ZZZ3: variants seen among roughly 807,000 people sequenced by gnomAD.
The protein encoded by ZZZ3 is ZZ-type zinc finger-containing protein 3.
A neutral mutation model predicts 95.2 loss-of-function variants in ZZZ3; 22 were observed. The ratio of observed to expected loss-of-function variants is 0.23; its 90% confidence interval spans 0.17 to 0.33. The LOEUF (loss-of-function observed/expected upper bound fraction) is 0.33. ZZZ3 is among the 10% of genes least tolerant of loss of function. The pLI is 1.00. For missense variants in ZZZ3, 885 were observed against 1,066.5 expected, an observed-to-expected ratio of 0.83 and a Z score of 2.37; for synonymous variants, 335 against 358.9, an observed-to-expected ratio of 0.93 and a Z score of 0.75.
At chr1:77,666,681 AAGAACTGC>A (rs1557777583) in intron 1 of ZZZ3, among the ~76,000 whole-genome samples, 1 of 152,230 alleles carries the variant, frequency 6.6e-6, no homozygotes, top group Non-Finnish European at 1.5e-5. Context: ...TCCAGGCTCT[AAGAACTGC>A]AGCAGAAAAA....
intron 12 of ZZZ3, 43 bp from the exon 13 acceptor site, chr1:77,568,509 A>G (rs745485380): frequency 9.6e-7 from 1 of 1,040,368 alleles, no homozygotes; most frequent in Non-Finnish European, 1.4e-6. Context: ...TTTGGTAATT[A>G]AAATGAATTA....
chr1:77,634,638 A>G (rs1230197056), intron 4 of ZZZ3, among the ~76,000 whole-genome samples: 1 of 152,198 alleles, frequency 6.6e-6, no homozygotes, highest in Non-Finnish European at 1.5e-5. Context: ...TGTGTATAGC[A>G]TATGCCAGTG....
At position 77,578,759 on chromosome 1, in the gene ZZZ3, TG is replaced by T. The variant is rs754032970; in HGVS notation, c.2178+14del. 2.1e-6 allele frequency: 3 copies of T among 1,433,568 alleles called. No individual in the cohort carries two copies. The highest frequency in any genetic ancestry group is 2.8e-6 in the Non-Finnish European group (3 of 1,069,536). 88.8% of individuals were successfully genotyped at this position (1,433,568 alleles called of 1,614,324 possible). On this transcript the variant is annotated intron_variant, in intron 11 of 14. Coordinates refer to ENST00000370801, the MANE Select transcript of ZZZ3 (RefSeq NM_015534.6). ...AAATTTAATCTACAGTTTACTTTCA[TG>T]TATTTTCTTTTACCTTTTTGGAGTA...
chr1:77,615,986 G>A (rs941220556), intron 5 of ZZZ3, among the ~76,000 whole-genome samples: 17 of 151,876 alleles, frequency 1.1e-4, no homozygotes, highest in African/African-American at 4.1e-4. Flanking sequence ...AATTTTAAAA[G>A]GAAATAACCA....
At chr1:77,672,194 C>T (rs1422246996) in intron 1 of ZZZ3, among the ~76,000 whole-genome samples, 1 of 152,154 alleles carries the variant, frequency 6.6e-6, no homozygotes, top group Non-Finnish European at 1.5e-5. Flanking sequence ...TATATGAGAG[C>T]TCCGAGTGCA....
intron 11 of ZZZ3, 47 bp from the exon 12 acceptor site, chr1:77,576,267 C>T (rs1233164952): frequency 5.5e-6 from 8 of 1,466,100 alleles, no homozygotes; most frequent in African/African-American, 4.3e-5. Context: ...AAAATCATTA[C>T]AAGAATCAAA....
intron 5 of ZZZ3, among the ~76,000 whole-genome samples, chr1:77,594,206 A>G (rs974958620): frequency 6.6e-6 from 1 of 152,162 alleles, no homozygotes; most frequent in Non-Finnish European, 1.5e-5. Context: ...AGTTTCTCCT[A>G]CTTTATAGTG....
Position 77,565,693 on chromosome 1 carries a change from G to C in ZZZ3, c.2659C>G (p.Gln887Glu). 1 of 1,613,920 alleles carries C rather than the reference G, an allele frequency of 6.2e-7. No homozygotes were observed. The highest frequency in any genetic ancestry group is 8.5e-7 in the Non-Finnish European group (1 of 1,179,854). Residue 887 changes from glutamine (Q) to glutamate (E), a missense_variant, in exon 15 of 15, where the codon CAG becomes GAG. This residue lies in a region of ZZZ3 where 221 missense variants were observed against 247.8 expected (regional missense o/e 0.89). Coordinates refer to ENST00000370801, the MANE Select transcript of ZZZ3 (RefSeq NM_015534.6). Reference sequence around the variant, plus strand: ...TCAAGGTAATTGTAACTGGTGCCCTGAGACACACAGTAGTCTCTGTCTAAG... The same window carrying C: ...TCAAGGTAATTGTAACTGGTGCCCTCAGACACACAGTAGTCTCTGTCTAAG... ...TFLDRDYCVS[Q>E]GTSYNYLDPN...
intron 1 of ZZZ3, among the ~76,000 whole-genome samples, chr1:77,660,852 T>C (rs1182878487): frequency 6.6e-6 from 1 of 152,220 alleles, no homozygotes; most frequent in African/African-American, 2.4e-5. Flanking sequence ...CATTCTGGAC[T>C]AATTTCTATT....
At position 77,631,971 on chromosome 1, in the gene ZZZ3, T is replaced by C. The variant is rs1279191228; in HGVS notation, c.1384A>G (p.Asn462Asp). 1 of 1,613,994 alleles carries C rather than the reference T, an allele frequency of 6.2e-7. No homozygotes were observed. The highest frequency in any genetic ancestry group is 2.2e-5 in the East Asian group (1 of 44,880). The change falls in exon 5 of 15, where the codon AAT (asparagine) becomes GAT (aspartate). Residue 462 changes from asparagine (N) to aspartate (D), a missense_variant. Physicochemically the swap from Asn to Asp is conservative, Grantham distance 23. This residue lies in a region of ZZZ3 where 556 missense variants were observed against 652.9 expected (regional missense o/e 0.85). Coordinates refer to ENST00000370801, the MANE Select transcript of ZZZ3 (RefSeq NM_015534.6). ...VSKPPSEARL[N>D]IGHLPSAKES... ...TTGGCAGATGGCAAATGTCCAATAT[T>C]GAGTCTTGCCTCTGAGGGTGGTTTA...
At chr1:77,620,812 TATAG>T (rs1666782486) in intron 5 of ZZZ3, among the ~76,000 whole-genome samples, 1 of 152,116 alleles carries the variant, frequency 6.6e-6, no homozygotes, top group African/African-American at 2.4e-5. Context: ...TTCATCAGTA[TATAG>T]ATAGTAATTT....
At chr1:77,668,832 T>G (rs867892065) in intron 1 of ZZZ3, among the ~76,000 whole-genome samples, 30 of 152,184 alleles carry the variant, frequency 2.0e-4, no homozygotes, top group African/African-American at 7.2e-4. Context: ...TTCTTCCTTG[T>G]TGGTAAGAAT....
chr1:77,632,708 T>C lies in ZZZ3; in HGVS notation c.647A>G (p.Asp216Gly), dbSNP rs1443343038. The part of the protein sequence containing the change: ...DDSDSAVINC[D>G]DCQPDGNTKQ... ...AGTGTTCCCATCAGGCTGACAGTCA[T>C]CACAGTTTATAACAGCTGAATCACT... Residue 216 changes from aspartate (D) to glycine (G), a missense_variant, in exon 5 of 15, where the codon GAT becomes GGT. Around this residue, in one of 5 missense-constraint regions of ZZZ3, gnomAD observed 556 missense variants for 652.9 expected, o/e 0.85. Transcript: ENST00000370801. The C allele has an allele frequency of 1.9e-6, 3 of 1,614,202 alleles. No homozygotes were observed. Among genetic ancestry groups the C allele is most frequent in the African/African-American group, 1.3e-5 (1 of 75,050 alleles).
At chr1:77,575,565 T>A (rs557755582) in intron 12 of ZZZ3, among the ~76,000 whole-genome samples, 3 of 152,252 alleles carry the variant, frequency 2.0e-5, no homozygotes, top group South Asian at 2.1e-4. Context: ...ATAAAATCCA[T>A]ACTGCAAAAT....
chr1:77,659,303 A>G (rs1436285416), intron 1 of ZZZ3, among the ~76,000 whole-genome samples: 1 of 152,170 alleles, frequency 6.6e-6, no homozygotes. Flanking sequence ...AAAATGTTTA[A>G]TTTAGTTTAA....
chr1:77,577,408 C>T (rs1353411863), intron 11 of ZZZ3, among the ~76,000 whole-genome samples: 3 of 151,112 alleles, frequency 2.0e-5, no homozygotes, highest in Non-Finnish European at 3.0e-5. Flanking sequence ...CAATATTCCA[C>T]AGTTATAGGA....
In ZZZ3 at chr1:77,674,049, T is replaced by C. The variant is rs556480134; in HGVS notation, c.-403+8536A>G. The stretch of plus-strand genomic sequence containing the variant: ...AGCAGCTGAGGTACTGCATAAGCCA[T>C]CAGTGACATAAATTTTAAAATCTAC... On this transcript the variant is annotated intron_variant, in intron 1 of 14. Transcript: ENST00000370801. Among the ~76,000 whole-genome samples, 14 of 146,898 alleles carry C rather than the reference T, an allele frequency of 9.5e-5. No homozygotes were observed. The South Asian group carries it at 3.0e-3, about 31-fold the overall frequency.
chr1:77,640,459 G>A (rs531390553), intron 3 of ZZZ3, among the ~76,000 whole-genome samples: 1 of 152,090 alleles, frequency 6.6e-6, no homozygotes, highest in African/African-American at 2.4e-5. Flanking sequence ...AATTAGCTGG[G>A]CATGGTGGTG....
chr1:77,610,581 A>G (rs891393341), intron 5 of ZZZ3, among the ~76,000 whole-genome samples: 1 of 151,990 alleles, frequency 6.6e-6, no homozygotes, highest in South Asian at 2.1e-4. Context: ...CAAGCAAACA[A>G]AATTCAACAA....
Sources: gnomAD v4.1 joint callset for allele counts (sites outside exome capture counted in the v4.1 genomes callset) on GRCh38, gnomAD v4.1.1 for gene constraint, gnomAD v4.1.1 regional missense constraint, MANE v1.5 for transcripts, NCBI Gene and HGNC (gene_info 2026-07-23, HGNC 2026-07-21) for gene names.